The following PABPC4L variants were observed in gnomAD, a reference collection of about 807,000 sequenced individuals.
PABPC4L encodes poly(A) binding protein cytoplasmic 4 like.
For synonymous variants in PABPC4L, 169 were observed against 164.1 expected, an observed-to-expected ratio of 1.03 and a Z score of -0.23; for missense variants, 452 against 451.4, an observed-to-expected ratio of 1.00 and a Z score of -0.01.
chr4:134,159,934 G>A, the PABPC4L span, among the ~76,000 whole-genome samples: 3 of 152,084 alleles, frequency 2.0e-5, no homozygotes, highest in East Asian at 1.9e-4. Context: ...TATAAACTCC[G>A]ACACAGTAAA....
At chr4:134,186,016 A>G in the PABPC4L span, among the ~76,000 whole-genome samples, 2 of 152,264 alleles carry the variant, frequency 1.3e-5, no homozygotes, top group African/African-American at 4.8e-5. Flanking sequence ...AATACAAACC[A>G]CTGCTCAAAG....
the PABPC4L span, among the ~76,000 whole-genome samples, chr4:134,068,839 G>T: frequency 6.6e-6 from 1 of 151,828 alleles, no homozygotes; most frequent in Admixed American, 6.6e-5. Context: ...CTCCCAAGTA[G>T]CTGGGACTAC....
chr4:134,142,765 C>A, the PABPC4L span, among the ~76,000 whole-genome samples: 1 of 151,556 alleles, frequency 6.6e-6, no homozygotes, highest in Non-Finnish European at 1.5e-5. Flanking sequence ...AAACATACCT[C>A]TTACTGAATC....
chr4:134,065,670 T>A, the PABPC4L span, among the ~76,000 whole-genome samples: 4 of 152,240 alleles, frequency 2.6e-5, no homozygotes, highest in Admixed American at 1.3e-4. Flanking sequence ...GTTTTTGTCA[T>A]TTTTATCATG....
chr4:134,044,891 C>A, the PABPC4L span, among the ~76,000 whole-genome samples: 12 of 151,814 alleles, frequency 7.9e-5, no homozygotes, highest in African/African-American at 1.9e-4. Flanking sequence ...TTTGTTTTAA[C>A]CTAAAGAACT....
the PABPC4L span, among the ~76,000 whole-genome samples, chr4:134,097,999 A>G: frequency 2.0e-5 from 3 of 151,758 alleles, no homozygotes; most frequent in South Asian, 6.2e-4. Context: ...GCATTTAATT[A>G]TATTAAATGA....
At chr4:134,104,920 A>T in the PABPC4L span, among the ~76,000 whole-genome samples, 7 of 151,980 alleles carry the variant, frequency 4.6e-5, no homozygotes, top group Non-Finnish European at 8.8e-5. Flanking sequence ...GACCAATTAC[A>T]CATTACCGGT....
At chr4:134,186,481 C>T in the PABPC4L span, among the ~76,000 whole-genome samples, 1 of 152,096 alleles carries the variant, frequency 6.6e-6, no homozygotes, top group Admixed American at 6.6e-5. Context: ...GGAAAACTGG[C>T]TAGCCATATG....
the PABPC4L span, among the ~76,000 whole-genome samples, chr4:134,162,371 A>C: frequency 6.6e-6 from 1 of 152,114 alleles, no homozygotes; most frequent in African/African-American, 2.4e-5. Flanking sequence ...TAAAACAATT[A>C]ATACTAGACC....
rs569983308 is a variant in PABPC4L, at chr4:134,200,738, TCTC to T, written c.279_281del (p.Arg94del). ...TGATGAATACGTTCCCAATTCCAGA[TCTC>T]CTCAAGTAGGCATCGCGCTGAGACC... On this transcript the variant is annotated inframe_deletion, in exon 2 of 2. Transcript: ENST00000421491. The T allele has an allele frequency of 1.2e-5, 19 of 1,551,564 alleles. No individual in the cohort carries two copies. In the South Asian group the frequency reaches 1.4e-4, roughly 12 times the overall value.
chr4:134,087,256 AATG>A, the PABPC4L span, among the ~76,000 whole-genome samples: 7 of 152,088 alleles, frequency 4.6e-5, no homozygotes, highest in Non-Finnish European at 1.0e-4. Flanking sequence ...AGCCATAAAA[AATG>A]ATGAGTTCAT....
At chr4:134,032,424 T>A in the PABPC4L span, among the ~76,000 whole-genome samples, 1 of 151,816 alleles carries the variant, frequency 6.6e-6, no homozygotes, top group African/African-American at 2.4e-5. Flanking sequence ...CAGATTCTAA[T>A]GGTGTGAAAA....
chr4:134,071,521 A>G, the PABPC4L span, among the ~76,000 whole-genome samples: 9 of 152,314 alleles, frequency 5.9e-5, no homozygotes, highest in South Asian at 6.2e-4. Context: ...ATAGATTTCT[A>G]TGAGTGATCA....
the PABPC4L span, among the ~76,000 whole-genome samples, chr4:134,153,077 T>A: frequency 6.6e-6 from 1 of 152,190 alleles, no homozygotes; most frequent in Admixed American, 6.5e-5. Context: ...ACACTTTCCA[T>A]GAGGCTCCAC....
chr4:134,036,273 T>C, the PABPC4L span, among the ~76,000 whole-genome samples: 1 of 152,134 alleles, frequency 6.6e-6, no homozygotes, highest in African/African-American at 2.4e-5. Flanking sequence ...AACCTTTACC[T>C]TTCTGACTTA....
chr4:134,064,718 C>A, the PABPC4L span, among the ~76,000 whole-genome samples: 1 of 151,974 alleles, frequency 6.6e-6, no homozygotes, highest in East Asian at 1.9e-4. Context: ...GCATAAAATG[C>A]AATAGGTAGC....
the PABPC4L span, among the ~76,000 whole-genome samples, chr4:134,174,609 A>T: frequency 6.6e-6 from 1 of 152,058 alleles, no homozygotes; most frequent in African/African-American, 2.4e-5. Context: ...AAACATAATT[A>T]TGTGGCACAT....
the PABPC4L span, among the ~76,000 whole-genome samples, chr4:134,003,932 C>G: frequency 6.6e-6 from 1 of 151,964 alleles, no homozygotes; most frequent in Non-Finnish European, 1.5e-5. Context: ...GTAATTTTAA[C>G]TGAATATCCA....
the PABPC4L span, among the ~76,000 whole-genome samples, chr4:134,168,672 A>C: frequency 1.3e-4 from 20 of 152,114 alleles, no homozygotes; most frequent in East Asian, 3.5e-3. Flanking sequence ...AACTTAGAAG[A>C]AATGTGTAAA....
Sources: allele counts gnomAD v4.1 joint callset (sites outside exome capture counted in the v4.1 genomes callset), GRCh38; gene constraint gnomAD v4.1.1; transcripts MANE v1.5; gene names NCBI Gene and HGNC (gene_info 2026-07-23, HGNC 2026-07-21).